The following ANXA7 variants were observed in gnomAD, a reference collection of about 807,000 sequenced individuals.
ANXA7 encodes annexin VII.
A neutral mutation model predicts 64.9 loss-of-function variants in ANXA7; 55 were observed. The observed-to-expected ratio is 0.85, with a 90% CI of 0.68 to 1.06. ANXA7 has a LOEUF of 1.06. ANXA7 is among the 50% of genes least tolerant of loss of function. ANXA7 has a pLI of 0.00. For missense variants in ANXA7, 548 were observed against 582.1 expected (o/e 0.94, Z 0.60); for synonymous variants, 200 against 192.4 (o/e 1.04, Z -0.33).
At chr10:73,377,139 T>C (rs886190072) in intron 12 of ANXA7, among the ~76,000 whole-genome samples, 1 of 152,242 alleles carries the variant, frequency 6.6e-6, no homozygotes, top group African/African-American at 2.4e-5. Context: ...TTAAAAATGG[T>C]AAATTTTTAT....
chr10:73,409,465 G>C (rs1487387553), intron 1 of ANXA7, among the ~76,000 whole-genome samples: 1 of 152,074 alleles, frequency 6.6e-6, no homozygotes, highest in Non-Finnish European at 1.5e-5. Context: ...GCTTCACCAA[G>C]GAGATGACAG....
intron 9 of ANXA7, among the ~76,000 whole-genome samples, chr10:73,381,915 G>C (rs1267875008): frequency 6.8e-6 from 1 of 146,640 alleles, no homozygotes; most frequent in East Asian, 2.0e-4. Context: ...TTTTGCTCTT[G>C]TTACCCAGGC....
intron 1 of ANXA7, among the ~76,000 whole-genome samples, chr10:73,410,803 C>CA: frequency 7.0e-6 from 1 of 143,016 alleles, no homozygotes; most frequent in Middle Eastern, 3.6e-3. Context: ...AAAAAAAAGT[C>CA]AAAAAACAAT....
chr10:73,387,905 G>T, intron 6 of ANXA7, 122 bp from the exon 7 acceptor site: 2 of 757,582 alleles, frequency 2.6e-6, no homozygotes, highest in Non-Finnish European at 4.4e-6. Context: ...GGGTGCAAGT[G>T]CAATGGTGTG....
chr10:73,387,558 C>G (rs1396461913), intron 7 of ANXA7, 131 bp downstream of exon 7: 1 of 709,870 alleles, frequency 1.4e-6, no homozygotes, highest in Non-Finnish European at 2.5e-6. Flanking sequence ...ATACAGTACC[C>G]TTGAGGTCTC....
chr10:73,400,987 A>T, intron 1 of ANXA7, 130 bp from the exon 2 acceptor site: 2 of 557,896 alleles, frequency 3.6e-6, no homozygotes. Context: ...GCTCACTGCA[A>T]CCTCTGCCTC....
intron 1 of ANXA7, among the ~76,000 whole-genome samples, chr10:73,405,555 T>C (rs112696802): frequency 2.6e-5 from 4 of 152,104 alleles, no homozygotes; most frequent in African/African-American, 9.7e-5. Flanking sequence ...AACAAAAAAA[T>C]CTAAAATACT....
intron 5 of ANXA7, among the ~76,000 whole-genome samples, chr10:73,394,017 A>G (rs2055529670): frequency 6.6e-6 from 1 of 152,220 alleles, no homozygotes; most frequent in African/African-American, 2.4e-5. Context: ...TTACAAGAAA[A>G]AAATCAAACA....
intron 1 of ANXA7, among the ~76,000 whole-genome samples, chr10:73,402,358 C>A (rs2055680069): frequency 6.6e-6 from 1 of 151,006 alleles, no homozygotes; most frequent in African/African-American, 2.4e-5. Context: ...TACCACCATG[C>A]CTGGTGAATT....
intron 7 of ANXA7, among the ~76,000 whole-genome samples, chr10:73,385,596 G>C (rs2132661201): frequency 6.6e-6 from 1 of 152,288 alleles, no homozygotes; most frequent in East Asian, 1.9e-4. Context: ...TAATTAGGAA[G>C]TTAAGAAAAG....
At chr10:73,386,966 C>T (rs766002732) in intron 7 of ANXA7, among the ~76,000 whole-genome samples, 10 of 152,228 alleles carry the variant, frequency 6.6e-5, no homozygotes, top group Middle Eastern at 3.4e-3. Flanking sequence ...TAAGCCACCA[C>T]GCTCAGTCCA....
chr10:73,379,022 C>T lies in ANXA7; in HGVS notation c.1167G>A (p.Leu389=). The T allele has an allele frequency of 6.2e-7, 1 of 1,602,326 alleles. No individual in the cohort carries two copies. The highest frequency in any genetic ancestry group is 1.3e-5 in the African/African-American group (1 of 74,572). The change falls in exon 12 of 13, where the codon TTG becomes TTA. Residue 389 remains leucine (L), a splice_region_variant and synonymous_variant. Coordinates refer to ENST00000372921, the MANE Select transcript of ANXA7 (RefSeq NM_001156.5). ...GYVESGLKTI[L]QCALNRPAFF... is the part of the protein sequence containing the mutation. The stretch of plus-strand genomic sequence containing the variant: ...AGGCAGGGCGGTTCAGGGCACACTG[C>T]ACTGCAAGTTAGAGATGGTTGAGAC...
chr10:73,388,411 C>T lies in ANXA7; in HGVS notation c.439G>A (p.Ala147Thr), dbSNP rs767662778. 5 of 1,610,928 alleles carry T rather than the reference C, an allele frequency of 3.1e-6. No individual in the cohort carries two copies. The highest frequency in any genetic ancestry group is 4.2e-6 in the Non-Finnish European group (5 of 1,177,580). ...CCTTGAGTGACCTGAGTCACTGTGG[C>T]AGGCTGAAAATAAAAGGCATAAAAT... is the stretch of plus-strand genomic sequence containing the variant. ...GGQPTYPSQP[A>T]TVTQVTQGTI... Residue 147 changes from alanine (A) to threonine (T), a missense_variant, in exon 6 of 13, where the codon GCC becomes ACC. Ala to Thr is a moderately conservative substitution (Grantham distance 58). Transcript: ENST00000372921.
At chr10:73,385,383 T>C (rs2055350711) in intron 7 of ANXA7, among the ~76,000 whole-genome samples, 1 of 152,256 alleles carries the variant, frequency 6.6e-6, no homozygotes. Flanking sequence ...GGTAATAAAG[T>C]CTTGGACTTG....
chr10:73,379,921 G>T lies in ANXA7; in HGVS notation c.1123C>A (p.Arg375Ser). The T allele has an allele frequency of 6.2e-7, 1 of 1,614,076 alleles. No individual in the cohort carries two copies. The highest frequency in any genetic ancestry group is 8.5e-7 in the Non-Finnish European group (1 of 1,180,004). The change falls in exon 11 of 13, where the codon CGT becomes AGT. Residue 375 changes from arginine to serine, a missense_variant. Coordinates refer to ENST00000372921, the MANE Select transcript of ANXA7 (RefSeq NM_001156.5). ...CTTTCTACATATCCGGAAAACTCAC[G>T]GCTCACACTGCTTAACAAGTCTCGA... is the stretch of plus-strand genomic sequence containing the variant. The part of the protein sequence containing the change: ...ANRDLLSSVS[R>S]EFSGYVESGL...
In ANXA7 at chr10:73,378,996, A is replaced by T; in HGVS notation, c.1193T>A (p.Phe398Tyr). Residue 398 changes from phenylalanine to tyrosine, a missense_variant, in exon 12 of 13, where the codon TTC (phenylalanine) becomes TAC (tyrosine). Transcript: ENST00000372921. ...AGCATAGTAGAGCCTCTCAGCAAAGAAGGCAGGGCGGTTCAGGGCACACTG... is the reference window on the plus strand; with the variant it reads ...AGCATAGTAGAGCCTCTCAGCAAAGTAGGCAGGGCGGTTCAGGGCACACTG... ...ILQCALNRPA[F>Y]FAERLYYAMK... 1 of 1,613,252 alleles carries T rather than the reference A, an allele frequency of 6.2e-7. No homozygotes were observed. The highest frequency in any genetic ancestry group is 8.5e-7 in the Non-Finnish European group (1 of 1,179,596).
intron 12 of ANXA7, among the ~76,000 whole-genome samples, chr10:73,377,220 C>CA (rs1243351259): frequency 1.3e-5 from 2 of 152,008 alleles, no homozygotes; most frequent in Non-Finnish European, 2.9e-5. Context: ...AAGTTTTTTT[C>CA]AAAATACCAT....
At chr10:73,387,412 G>A (rs1351534006) in intron 7 of ANXA7, among the ~76,000 whole-genome samples, 1 of 152,184 alleles carries the variant, frequency 6.6e-6, no homozygotes, top group Non-Finnish European at 1.5e-5. Flanking sequence ...CTACTCAGGA[G>A]GCTGAGGCAG....
At chr10:73,376,338 A>C in intron 12 of ANXA7, 121 bp from the exon 13 acceptor site, 1 of 953,362 alleles carries the variant, frequency 1.0e-6, no homozygotes, top group Non-Finnish European at 1.5e-6. Context: ...ACACCAAGTG[A>C]CTGACATTTT....
Sources: gnomAD v4.1 joint callset for allele counts (sites outside exome capture counted in the v4.1 genomes callset) on GRCh38, gnomAD v4.1.1 for gene constraint, MANE v1.5 for transcripts, NCBI Gene and HGNC (gene_info 2026-07-23, HGNC 2026-07-21) for gene names.